The following STAG2 variants were observed in gnomAD, a reference collection of about 807,000 sequenced individuals.
STAG2 encodes cohesin subunit SA-2.
Under a neutral mutation model 108.1 loss-of-function variants are expected in STAG2, and 14 were observed. The ratio of observed to expected loss-of-function variants is 0.13; its 90% CI spans 0.09 to 0.20. The LOEUF is 0.20. STAG2 is among the 10% of genes least tolerant of loss of function. STAG2 has a pLI of 1.00. For missense variants in STAG2, 440 were observed against 940.9 expected, an observed-to-expected ratio of 0.47 and a Z score of 6.96; for synonymous variants, 307 against 302.7, an observed-to-expected ratio of 1.01 and a Z score of -0.15.
chrX:123,966,367 C>A (rs1454034315), intron 1 of STAG2, among the ~76,000 whole-genome samples: 1 of 109,395 alleles, frequency 9.1e-6, no homozygotes, highest in Non-Finnish European at 1.9e-5. Flanking sequence ...GAGGCTGAGG[C>A]AGGAGAATCG....
At chrX:123,976,292 G>T (rs773185435) in intron 1 of STAG2, among the ~76,000 whole-genome samples, 28 of 111,553 alleles carry the variant, frequency 2.5e-4, no homozygotes, top group Non-Finnish European at 4.3e-4. Context: ...AATTTAAAAA[G>T]ATGAAATTAA....
intron 1 of STAG2, among the ~76,000 whole-genome samples, chrX:123,977,358 T>C (rs1216955607): frequency 2.7e-5 from 3 of 112,217 alleles, no homozygotes; most frequent in African/African-American, 9.7e-5. Context: ...GAATAATCTG[T>C]TCAGGTAAAC....
chrX:124,002,353 C>G (rs34656679), intron 1 of STAG2, among the ~76,000 whole-genome samples: 1 of 112,073 alleles, frequency 8.9e-6, no homozygotes, highest in East Asian at 2.8e-4. Context: ...AGTAGATACA[C>G]CACAGTCTTC....
At chrX:124,043,269 C>T (rs1202196363) in intron 7 of STAG2, among the ~76,000 whole-genome samples, 2 of 107,691 alleles carry the variant, frequency 1.9e-5, no homozygotes, top group African/African-American at 3.4e-5. Flanking sequence ...GCTGGGATTA[C>T]AGGCACCCAC....
rs2058421424 is a variant in STAG2, at chrX:124,062,787, G to T, written c.1639-115G>T. The T allele has an allele frequency of 3.5e-5, 17 of 483,322 alleles. No homozygotes were observed. The East Asian group carries it at 6.4e-4, about 18-fold the overall frequency. 39.8% of individuals were successfully genotyped at this position (483,322 alleles called of 1,213,427 possible). A position where few individuals can be genotyped will look rare whatever the true frequency, so the allele number is the denominator to read the frequency against. On this transcript the variant is annotated intron_variant, in intron 17 of 34. Coordinates refer to ENST00000371145, the MANE Select transcript of STAG2 (RefSeq NM_001042750.2). ...GTTAATGTTTTATAGTGAAATTTTT[G>T]TGTCCATCTCTTAAAATATAGTTTT...
At chrX:124,055,763 G>GCTT (rs2058177958) in intron 13 of STAG2, among the ~76,000 whole-genome samples, 1 of 111,667 alleles carries the variant, frequency 9.0e-6, no homozygotes, top group East Asian at 2.8e-4. Context: ...ATATTACTAT[G>GCTT]AAATATAAGG....
At chrX:124,058,154 C>CTTTTTTTTTTT (rs999044036) in intron 15 of STAG2, among the ~76,000 whole-genome samples, 177 bp downstream of exon 15, 12 of 72,944 alleles carry the variant, frequency 1.6e-4, no homozygotes, top group Middle Eastern at 9.5e-3. Flanking sequence ...TACTTTTCTT[C>CTTTTTTTTTTT]TTTTTTTTTT....
At chrX:123,990,495 C>CA (rs1329891329) in intron 1 of STAG2, among the ~76,000 whole-genome samples, 1 of 111,357 alleles carries the variant, frequency 9.0e-6, no homozygotes, top group African/African-American at 3.3e-5. Flanking sequence ...CACCTGCCTC[C>CA]AGACCCCATT....
intron 29 of STAG2, among the ~76,000 whole-genome samples, chrX:124,085,051 G>A (rs1402255228): frequency 8.9e-6 from 1 of 112,121 alleles, no homozygotes; most frequent in Non-Finnish European, 1.9e-5. Context: ...GTTTGAAATA[G>A]TGGAAAAACT....
rs1569505113 is a variant in STAG2, at chrX:124,021,434, A to G, written c.-98+3A>G. ...CATAAGAAAATTATAAGAGAAAGGT[A>G]CACATAAGACTAAGAGCTTTAGACT... On this transcript the variant is annotated splice_donor_region_variant and intron_variant, in intron 2 of 34. Transcript: ENST00000371145. 4.5e-5 allele frequency: 5 copies of G among 112,095 alleles called. No individual in the cohort carries two copies. Among genetic ancestry groups the G allele is most frequent in the Admixed American group, 1.9e-4 (2 of 10,595 alleles). 9.2% of individuals were successfully genotyped at this position (112,095 alleles called of 1,213,427 possible).
At chrX:124,036,274 A>T (rs1329218161) in intron 5 of STAG2, among the ~76,000 whole-genome samples, 1 of 112,253 alleles carries the variant, frequency 8.9e-6, no homozygotes, top group Non-Finnish European at 1.9e-5. Context: ...ATTGGTATAT[A>T]ACTTAGAAAC....
At chrX:124,037,928 G>A (rs1389052387) in intron 6 of STAG2, among the ~76,000 whole-genome samples, 1 of 111,975 alleles carries the variant, frequency 8.9e-6, no homozygotes, top group Non-Finnish European at 1.9e-5. Context: ...TGATTAAGAA[G>A]GGAGGAGGAA....
chrX:124,099,099 G>C (rs959853308), intron 34 of STAG2, among the ~76,000 whole-genome samples: 1 of 111,685 alleles, frequency 9.0e-6, no homozygotes, highest in African/African-American at 3.3e-5. Context: ...ATTATTTATA[G>C]TATAAAATTG....
At chrX:124,065,453 T>G (rs1304126849) in intron 20 of STAG2, among the ~76,000 whole-genome samples, 1 of 111,718 alleles carries the variant, frequency 9.0e-6, no homozygotes, top group Non-Finnish European at 1.9e-5. Flanking sequence ...CAGAGGGTTT[T>G]TCCCTGTTTA....
chrX:124,040,563 T>A (rs1479155540), intron 6 of STAG2, among the ~76,000 whole-genome samples: 2 of 109,410 alleles, frequency 1.8e-5, no homozygotes, highest in Non-Finnish European at 3.8e-5. Context: ...CCTTTTCTGC[T>A]TGTTTTTGGG....
chrX:124,030,897 G>T, intron 4 of STAG2, 64 bp from the exon 5 acceptor site: 1 of 1,084,509 alleles, frequency 9.2e-7, no homozygotes. Flanking sequence ...TACTTCTACT[G>T]TAGCTGTGTT....
intron 5 of STAG2, among the ~76,000 whole-genome samples, chrX:124,032,535 A>G (rs1230836196): frequency 2.7e-5 from 3 of 110,672 alleles, no homozygotes; most frequent in African/African-American, 9.9e-5. Flanking sequence ...GTACATGAGT[A>G]TATTGCACCT....
At chrX:124,062,003 GT>G in intron 17 of STAG2, 129 bp downstream of exon 17, 1 of 536,913 alleles carries the variant, frequency 1.9e-6, no homozygotes, top group Non-Finnish European at 2.9e-6. Context: ...TTATAAATTT[GT>G]TAGAGGTAAA....
chrX:123,968,067 A>G (rs1291055354), intron 1 of STAG2, among the ~76,000 whole-genome samples: 1 of 110,347 alleles, frequency 9.1e-6, no homozygotes, highest in African/African-American at 3.3e-5. Flanking sequence ...TACCCGGCTA[A>G]TCTTTGTATT....
Sources: allele counts gnomAD v4.1 joint callset (sites outside exome capture counted in the v4.1 genomes callset), GRCh38; gene constraint gnomAD v4.1.1; transcripts MANE v1.5; gene names NCBI Gene and HGNC (gene_info 2026-07-23, HGNC 2026-07-21).